KCNIP1: variants seen among roughly 807,000 people sequenced by gnomAD.
KCNIP1 encodes the protein A-type potassium channel modulatory protein KCNIP1.
In KCNIP1, 18 loss-of-function variants were observed where a neutral mutation model predicts 33.0. The observed-to-expected ratio is 0.55, with a 90% CI of 0.38 to 0.81. The LOEUF is 0.81. Among genes scored for constraint, KCNIP1 ranks in the 30% least tolerant of loss-of-function variants. The pLI is 0.00. For synonymous variants in KCNIP1, 93 were observed against 98.3 expected (o/e 0.95, Z 0.32); for missense variants, 238 against 271.6 (o/e 0.88, Z 0.87).
At chr5:170,496,621 A>T (rs1271071520) in intron 1 of KCNIP1, among the ~76,000 whole-genome samples, 1 of 152,200 alleles carries the variant, frequency 6.6e-6, no homozygotes, top group South Asian at 2.1e-4. Context: ...ACCTCAGGAG[A>T]CTAAAGCAGG....
chr5:170,517,163 CTT>C (rs1444429348), intron 1 of KCNIP1, among the ~76,000 whole-genome samples: 1 of 152,142 alleles, frequency 6.6e-6, no homozygotes, highest in African/African-American at 2.4e-5. Flanking sequence ...CCTCAGGAAA[CTT>C]ACAACTGTGG....
In KCNIP1 at chr5:170,452,765, T is replaced by C. The variant is rs73800679; in HGVS notation, c.88+98801T>C. 5.8e-3 allele frequency among the ~76,000 whole-genome samples: 886 copies of C among 152,340 alleles called. 8 individuals are homozygous for C. Among genetic ancestry groups the C allele is most frequent in the African/African-American group, 0.02 (841 of 41,578 alleles). ...GTTATTTGTCTGAGTAATTTCTTGA[T>C]GAAATTGCAACTATAATTGAATTTT... On this transcript the variant is annotated intron_variant, in intron 1 of 7. Coordinates refer to the KCNIP1 transcript ENST00000377360.
chr5:170,523,773 C>G (rs567601319), intron 1 of KCNIP1, among the ~76,000 whole-genome samples: 1 of 152,296 alleles, frequency 6.6e-6, no homozygotes, highest in South Asian at 2.1e-4. Flanking sequence ...CCTCACGTGT[C>G]TCCTCCAGCC....
intron 1 of KCNIP1, among the ~76,000 whole-genome samples, chr5:170,706,115 A>T (rs147465514): frequency 6.6e-6 from 1 of 152,326 alleles, no homozygotes; most frequent in East Asian, 1.9e-4. Flanking sequence ...TACCGAATCC[A>T]GCAAAAGCTC....
chr5:170,624,733 G>GT lies in KCNIP1; in HGVS notation c.62-94025_62-94024insT, dbSNP rs1421112349. 2.2e-3 allele frequency among the ~76,000 whole-genome samples: 147 copies of GT among 67,518 alleles called. 4 individuals are homozygous for GT. The highest frequency in any genetic ancestry group is 7.9e-3 in the African/African-American group (130 of 16,498). The allele number at this position is 67,518 out of a possible 152,430, so 44.3% of individuals were successfully genotyped here. A position where few individuals can be genotyped will look rare whatever the true frequency, so the allele number is the denominator to read the frequency against. On this transcript the variant is annotated intron_variant, in intron 1 of 7. Transcript: ENST00000328939. ...GGAGAGGAAAGGAGACCGGGGAGGT[G>GT]GGGGGGGAGAGGGGAGGGGAGGAGA...
At chr5:170,379,951 CA>C (rs113260730) in intron 1 of KCNIP1, among the ~76,000 whole-genome samples, 4,141 of 103,252 alleles carry the variant, frequency 0.04, 108 homozygotes, top group Middle Eastern at 0.1. Flanking sequence ...GATCCCATTT[CA>C]AAAAAAAAAA....
chr5:170,690,097 G>A (rs1008536182), intron 1 of KCNIP1, among the ~76,000 whole-genome samples: 9 of 152,108 alleles, frequency 5.9e-5, no homozygotes, highest in Admixed American at 3.9e-4. Flanking sequence ...GCCCCGCACG[G>A]TGCCCAGCAC....
At chr5:170,604,502 G>T (rs915316918) in intron 1 of KCNIP1, among the ~76,000 whole-genome samples, 1 of 152,208 alleles carries the variant, frequency 6.6e-6, no homozygotes, top group Non-Finnish European at 1.5e-5. Context: ...TGTGCCCTTT[G>T]CTGTGGCTCA....
At chr5:170,387,208 T>C (rs1332616809) in intron 1 of KCNIP1, among the ~76,000 whole-genome samples, 1 of 152,224 alleles carries the variant, frequency 6.6e-6, no homozygotes, top group Admixed American at 6.5e-5. Context: ...GGGGAAATTT[T>C]AGCCAGATAT....
At chr5:170,402,117 C>T (rs896208372) in intron 1 of KCNIP1, among the ~76,000 whole-genome samples, 5 of 152,182 alleles carry the variant, frequency 3.3e-5, no homozygotes, top group Non-Finnish European at 5.9e-5. Flanking sequence ...GTGGCTTCTT[C>T]TCTCCTGTCT....
intron 1 of KCNIP1, among the ~76,000 whole-genome samples, chr5:170,424,870 C>T (rs1755577180): frequency 6.6e-6 from 1 of 152,248 alleles, no homozygotes; most frequent in Non-Finnish European, 1.5e-5. Flanking sequence ...AACATTTGCT[C>T]ATTCGTTCCT....
intron 1 of KCNIP1, among the ~76,000 whole-genome samples, chr5:170,510,625 TA>T (rs1754896712): frequency 6.6e-6 from 1 of 152,208 alleles, no homozygotes; most frequent in Non-Finnish European, 1.5e-5. Context: ...GGTAGTATTT[TA>T]AATAGGTCAC....
At position 170,504,539 on chromosome 5, in the gene KCNIP1, C is replaced by T. The variant is rs1310991970; in HGVS notation, c.-34C>T. ...TCCAGGGTAGGGGAGGGGCCGGGCC[C>T]GGGGTCCCAACTCGCACTCAAGTCT... On this transcript the variant is annotated 5_prime_UTR_variant, in exon 1 of 8. Transcript: ENST00000328939. This position sits in a 1 kb window ranked among gnomAD's most constrained non-coding sequence, Gnocchi z 6.0. 1.2e-6 allele frequency: 2 copies of T among 1,611,948 alleles called. No individual in the cohort carries two copies. Among genetic ancestry groups the T allele is most frequent in the Non-Finnish European group, 8.5e-7 (1 of 1,179,924 alleles).
At chr5:170,364,103 C>G (rs949098809) in intron 1 of KCNIP1, among the ~76,000 whole-genome samples, 5 of 151,754 alleles carry the variant, frequency 3.3e-5, no homozygotes, top group African/African-American at 1.2e-4. Flanking sequence ...TGGGCTCAAG[C>G]AATCCTCCCA....
At chr5:170,466,186 G>T (rs980797032) in intron 1 of KCNIP1, among the ~76,000 whole-genome samples, 6 of 152,174 alleles carry the variant, frequency 3.9e-5, no homozygotes, top group African/African-American at 1.4e-4. Context: ...GGTAGAGAGA[G>T]AGAAGGCAAT....
At chr5:170,509,613 A>G (rs984459586) in intron 1 of KCNIP1, among the ~76,000 whole-genome samples, 2 of 152,260 alleles carry the variant, frequency 1.3e-5, no homozygotes, top group Admixed American at 6.5e-5. Context: ...GCAACAAATG[A>G]ATTATCAACT....
chr5:170,719,306 G>A (rs1437350743), intron 2 of KCNIP1, among the ~76,000 whole-genome samples: 1 of 151,884 alleles, frequency 6.6e-6, no homozygotes, highest in Non-Finnish European at 1.5e-5. Context: ...AAATGGAACT[G>A]ACAGTGGAAA....
chr5:170,706,579 C>A (rs1763262866), intron 1 of KCNIP1, among the ~76,000 whole-genome samples: 1 of 152,222 alleles, frequency 6.6e-6, no homozygotes, highest in Non-Finnish European at 1.5e-5. Flanking sequence ...GCAATGAACT[C>A]CTCTTCTTCA....
At chr5:170,544,941 T>C (rs889144679) in intron 1 of KCNIP1, among the ~76,000 whole-genome samples, 2 of 152,230 alleles carry the variant, frequency 1.3e-5, no homozygotes, top group African/African-American at 2.4e-5. Flanking sequence ...TCTTTTATAC[T>C]AACCCAAATA....
Sources: allele counts gnomAD v4.1 joint callset (sites outside exome capture counted in the v4.1 genomes callset), GRCh38; gene constraint gnomAD v4.1.1; non-coding constraint Gnocchi (gnomAD v3.1); transcripts MANE v1.5; gene names NCBI Gene and HGNC (gene_info 2026-07-23, HGNC 2026-07-21).